LIPA: variants seen among roughly 807,000 people sequenced by gnomAD.
LIPA encodes the protein lipase A, lysosomal acid type, also known as lysosomal acid lipase/cholesteryl ester hydrolase.
LIPA carries 26 observed loss-of-function variants against 40.6 expected under a neutral mutation model. The ratio of observed to expected loss-of-function variants is 0.64; its 90% CI spans 0.47 to 0.89. The LOEUF (loss-of-function observed/expected upper bound fraction) is 0.89. LIPA is among the 40% of genes least tolerant of loss of function. LIPA has a pLI of 0.00. For missense variants in LIPA, 455 were observed against 479.6 expected (o/e 0.95, Z 0.48); for synonymous variants, 188 against 168.4 (o/e 1.12, Z -0.90).
At chr10:89,389,742 T>C (rs1044131204) in intron 2 of LIPA, among the ~76,000 whole-genome samples, 3 of 152,112 alleles carry the variant, frequency 2.0e-5, no homozygotes, top group Non-Finnish European at 4.4e-5. Context: ...TATCATCCTG[T>C]GAATGAAGAA....
At chr10:89,260,473 C>CT (rs1328495281) in intron 1 of LIPA, among the ~76,000 whole-genome samples, 3 of 152,160 alleles carry the variant, frequency 2.0e-5, no homozygotes, top group Non-Finnish European at 4.4e-5. Flanking sequence ...GGTTGGGTAG[C>CT]TGTGGAGAAG....
chr10:89,308,056 T>G (rs1414282553), intron 1 of LIPA: 1 of 152,348 alleles, frequency 6.6e-6, no homozygotes, highest in Non-Finnish European at 1.5e-5. Flanking sequence ...AAGAAGACTT[T>G]CAGCAAGTAT....
chr10:89,233,253 A>G (rs1418864760), intron 3 of LIPA, among the ~76,000 whole-genome samples: 1 of 152,178 alleles, frequency 6.6e-6, no homozygotes, highest in Admixed American at 6.5e-5. Context: ...TTACAAGCTA[A>G]ATGTTTTCAA....
At chr10:89,247,789 T>C (rs201133421) in intron 1 of LIPA, 140 bp from the exon 2 acceptor site, 32 of 525,436 alleles carry the variant, frequency 6.1e-5, no homozygotes, top group South Asian at 1.9e-4. Flanking sequence ...AACAAATGAC[T>C]CCAGCCATAT....
At chr10:89,375,091 T>C (rs2133599282) in intron 2 of LIPA, among the ~76,000 whole-genome samples, 1 of 152,348 alleles carries the variant, frequency 6.6e-6, no homozygotes, top group South Asian at 2.1e-4. Context: ...TCCCACACTG[T>C]GAAAGCAACA....
At chr10:89,340,104 C>T (rs1843838428) in intron 1 of LIPA, 1 of 1,602,488 alleles carries the variant, frequency 6.2e-7, no homozygotes, top group South Asian at 1.1e-5. Flanking sequence ...GAGAGCTCCT[C>T]TCTAACTCAG....
chr10:89,293,691 A>C (rs1194425924), intron 1 of LIPA: 1 of 151,446 alleles, frequency 6.6e-6, no homozygotes, highest in Non-Finnish European at 1.5e-5. Context: ...AGAGAGAGAG[A>C]GAGAGAGAGA....
chr10:89,378,470 T>C (rs1844138489), intron 2 of LIPA, among the ~76,000 whole-genome samples: 1 of 152,076 alleles, frequency 6.6e-6, no homozygotes, highest in African/African-American at 2.4e-5. Flanking sequence ...CCAAGGAGAC[T>C]CTAAGCTATA....
At chr10:89,266,787 A>G (rs1843238400) in intron 1 of LIPA, among the ~76,000 whole-genome samples, 1 of 152,254 alleles carries the variant, frequency 6.6e-6, no homozygotes, top group Non-Finnish European at 1.5e-5. Flanking sequence ...ATGGTCTACA[A>G]AGTGTTCTGT....
intron 2 of LIPA, among the ~76,000 whole-genome samples, chr10:89,394,734 T>C (rs2133616521): frequency 6.6e-6 from 1 of 151,772 alleles, no homozygotes; most frequent in Middle Eastern, 3.4e-3. Context: ...AATTTAGTAG[T>C]ATTTAGTATA....
At chr10:89,305,095 G>A (rs779579964) in intron 1 of LIPA, among the ~76,000 whole-genome samples, 1 of 151,944 alleles carries the variant, frequency 6.6e-6, no homozygotes, top group African/African-American at 2.4e-5. Context: ...AGAGGTATGG[G>A]GGGGAGGGGA....
chr10:89,356,625 C>G (rs1285804331), intron 2 of LIPA, among the ~76,000 whole-genome samples: 1 of 152,170 alleles, frequency 6.6e-6, no homozygotes, highest in Non-Finnish European at 1.5e-5. Flanking sequence ...CCCATCACCC[C>G]CAGATGGGAC....
At chr10:89,407,079 GCCTGGAACCAGCTTCCATTATT>G (rs1378764927) in intron 2 of LIPA, among the ~76,000 whole-genome samples, 15 of 152,266 alleles carry the variant, frequency 9.9e-5, no homozygotes, top group Admixed American at 2.6e-4. Flanking sequence ...GCGTTGGTTT[GCCTGGAACCAGCTTCCATTATT>G]CCTGTACTTC....
At chr10:89,275,006 G>A (rs1044145679) in intron 1 of LIPA, among the ~76,000 whole-genome samples, 3 of 152,192 alleles carry the variant, frequency 2.0e-5, no homozygotes, top group Non-Finnish European at 2.9e-5. Context: ...TCACATGACA[G>A]TGTCTGAGCT....
At chr10:89,355,587 GAC>G (rs1431503717) in intron 2 of LIPA, among the ~76,000 whole-genome samples, 1 of 152,222 alleles carries the variant, frequency 6.6e-6, no homozygotes, top group Non-Finnish European at 1.5e-5. Flanking sequence ...ATAAGGCTGA[GAC>G]CTACTGGGCT....
At chr10:89,339,732 A>G (rs1488789450) in intron 1 of LIPA, 4 of 1,614,102 alleles carry the variant, frequency 2.5e-6, no homozygotes, top group East Asian at 4.5e-5. Context: ...AAAAGCAACA[A>G]TCCCATCAGC....
intron 2 of LIPA, among the ~76,000 whole-genome samples, chr10:89,353,792 T>A (rs1468913883): frequency 1.3e-5 from 2 of 152,016 alleles, no homozygotes; most frequent in African/African-American, 4.8e-5. Context: ...TACAAAAAAA[T>A]TAGCTGGGTG....
At chr10:89,339,512 A>G in intron 1 of LIPA, 1 of 1,614,178 alleles carries the variant, frequency 6.2e-7, no homozygotes, top group South Asian at 1.1e-5. Flanking sequence ...TGCTGCTACA[A>G]GGCAAAAGTA....
At chr10:89,383,197 C>T (rs1844176170) in intron 2 of LIPA, 2 of 830,462 alleles carry the variant, frequency 2.4e-6, no homozygotes, top group African/African-American at 3.5e-5. Context: ...CCCAGAGGGG[C>T]ACCAGATAAT....
Sources: gnomAD v4.1 joint callset for allele counts (sites outside exome capture counted in the v4.1 genomes callset) on GRCh38, gnomAD v4.1.1 for gene constraint, MANE v1.5 for transcripts, NCBI Gene and HGNC (gene_info 2026-07-23, HGNC 2026-07-21) for gene names.